The following ELF2 variants were observed in gnomAD, a reference collection of about 807,000 sequenced individuals.
The protein encoded by ELF2 is ETS-related transcription factor Elf-2.
In ELF2, 11 loss-of-function variants were observed where a neutral mutation model predicts 54.8. That is an observed-to-expected ratio of 0.20 (90% CI 0.13 to 0.33). The LOEUF is 0.33. Ranked by LOEUF, ELF2 falls within the 10% of genes least tolerant of loss-of-function variation. The probability of loss-of-function intolerance (pLI) is 1.00; values close to 1 mark genes in which losing one functional copy is unlikely to be tolerated. For synonymous variants in ELF2, 203 were observed against 245.1 expected (o/e 0.83, Z 1.61); for missense variants, 513 against 703.0 (o/e 0.73, Z 3.06).
At chr4:139,087,143 C>T (rs1732063921) in intron 4 of ELF2, among the ~76,000 whole-genome samples, 2 of 152,174 alleles carry the variant, frequency 1.3e-5, no homozygotes, top group Admixed American at 1.3e-4. Flanking sequence ...TTTAACTTAT[C>T]CCTGGGCCAG....
intron 4 of ELF2, among the ~76,000 whole-genome samples, chr4:139,111,181 G>C (rs1734911420): frequency 6.6e-6 from 1 of 152,090 alleles, no homozygotes; most frequent in Admixed American, 6.6e-5. Context: ...CTAAGGCCTA[G>C]AACACTGTCG....
chr4:139,113,136 T>C lies in ELF2; in HGVS notation c.238+12028A>G, dbSNP rs150954244. 5.0e-3 allele frequency among the ~76,000 whole-genome samples: 760 copies of C among 151,680 alleles called. 8 individuals are homozygous for C. The highest frequency in any genetic ancestry group is 0.017 in the African/African-American group (717 of 41,336). On this transcript the variant is annotated intron_variant, in intron 4 of 9. Transcript: ENST00000686138. Reference sequence around the variant, plus strand: ...ACTGTGGGAGGCCAAGGTGGGAGAATTGCTTGAGCCCAGTAGTATGAGACC... The same window carrying C: ...ACTGTGGGAGGCCAAGGTGGGAGAACTGCTTGAGCCCAGTAGTATGAGACC...
intron 1 of ELF2, among the ~76,000 whole-genome samples, chr4:139,172,142 T>C (rs1440607360): frequency 4.6e-5 from 7 of 152,098 alleles, no homozygotes; most frequent in Non-Finnish European, 5.9e-5. Flanking sequence ...CAAAACCATA[T>C]GTCCACATAA....
At chr4:139,151,023 C>CA (rs79837347) in intron 1 of ELF2, among the ~76,000 whole-genome samples, 1,601 of 48,220 alleles carry the variant, frequency 0.033, 80 homozygotes, top group East Asian at 0.14. Context: ...GGCTCCATCT[C>CA]AAAAAAAAAA....
chr4:139,070,381 C>T (rs923784045), intron 6 of ELF2, among the ~76,000 whole-genome samples: 2 of 151,698 alleles, frequency 1.3e-5, no homozygotes, highest in Non-Finnish European at 1.5e-5. Context: ...ACCTCCACCT[C>T]TCGGGTTCAA....
At chr4:139,139,369 T>C (rs1314568538) in intron 2 of ELF2, 44 bp downstream of exon 2, 4 of 1,007,330 alleles carry the variant, frequency 4.0e-6, no homozygotes, top group Middle Eastern at 3.6e-4. Flanking sequence ...TATAAGGTAC[T>C]ATTCCCAATA....
intron 1 of ELF2, among the ~76,000 whole-genome samples, chr4:139,169,303 G>A (rs373512895): frequency 1.2e-3 from 163 of 139,610 alleles, no homozygotes; most frequent in African/African-American, 3.2e-3. Context: ...AGCCGAGATC[G>A]CACCACTGCA....
intron 1 of ELF2, among the ~76,000 whole-genome samples, chr4:139,172,570 A>G (rs933848171): frequency 6.6e-6 from 1 of 152,188 alleles, no homozygotes; most frequent in African/African-American, 2.4e-5. Flanking sequence ...AGTAATGAGG[A>G]TGACAACTGG....
At chr4:139,106,872 C>T (rs1325767071) in intron 4 of ELF2, among the ~76,000 whole-genome samples, 2 of 151,008 alleles carry the variant, frequency 1.3e-5, no homozygotes, top group Admixed American at 1.3e-4. Context: ...GCCTCCCAAG[C>T]GGCTCAGATT....
intron 1 of ELF2, among the ~76,000 whole-genome samples, chr4:139,172,506 G>T (rs1250559054): frequency 6.6e-6 from 1 of 152,106 alleles, no homozygotes; most frequent in Non-Finnish European, 1.5e-5. Flanking sequence ...AGATCAACTA[G>T]TATCTTAGTG....
intron 4 of ELF2, among the ~76,000 whole-genome samples, chr4:139,075,641 C>T (rs966471886): frequency 5.3e-5 from 8 of 152,072 alleles, no homozygotes; most frequent in African/African-American, 1.9e-4. Context: ...GTTGGCCAGG[C>T]TGGTTTTGAA....
chr4:139,152,149 G>A (rs1462932517), intron 1 of ELF2, among the ~76,000 whole-genome samples: 1 of 152,118 alleles, frequency 6.6e-6, no homozygotes, highest in Non-Finnish European at 1.5e-5. Flanking sequence ...GGTGGTGACT[G>A]CAAAATAGTA....
At chr4:139,151,072 G>GAAAGAAAGAAAGAAAGAAAGAAAGA (rs1739919682) in intron 1 of ELF2, among the ~76,000 whole-genome samples, 1 of 123,582 alleles carries the variant, frequency 8.1e-6, no homozygotes, top group African/African-American at 2.7e-5. Context: ...AAGAAAGAAA[G>GAAAGAAAGAAAGAAAGAAAGAAAGA]AAAGAAAGAA....
chr4:139,164,439 C>A (rs1470173606), intron 1 of ELF2, among the ~76,000 whole-genome samples: 1 of 152,112 alleles, frequency 6.6e-6, no homozygotes, highest in Non-Finnish European at 1.5e-5. Context: ...AGTTCGAGAC[C>A]AGCCTGGACA....
chr4:139,121,302 G>A (rs1262731281), intron 4 of ELF2, among the ~76,000 whole-genome samples: 3 of 150,742 alleles, frequency 2.0e-5, no homozygotes, highest in Admixed American at 2.0e-4. Context: ...TAGAGACGGG[G>A]TTTCACCGTG....
At chr4:139,147,522 A>C (rs1292426625) in intron 1 of ELF2, among the ~76,000 whole-genome samples, 1 of 152,188 alleles carries the variant, frequency 6.6e-6, no homozygotes, top group Non-Finnish European at 1.5e-5. Flanking sequence ...CCTAGGCTGG[A>C]GAGCAGTGGC....
At chr4:139,148,059 T>C (rs1381206546) in intron 1 of ELF2, among the ~76,000 whole-genome samples, 5 of 150,230 alleles carry the variant, frequency 3.3e-5, no homozygotes, top group African/African-American at 1.2e-4. Context: ...ATGCAGGGAT[T>C]ACAGGCATGA....
At chr4:139,137,566 C>CA (rs1689939279) in intron 3 of ELF2, 64 bp downstream of exon 3, 1 of 1,504,964 alleles carries the variant, frequency 6.6e-7, no homozygotes, top group Non-Finnish European at 9.2e-7. Flanking sequence ...CTATTAATTT[C>CA]AAAATTAGTT....
At chr4:139,078,138 C>A (rs1730579287) in intron 4 of ELF2, among the ~76,000 whole-genome samples, 1 of 152,134 alleles carries the variant, frequency 6.6e-6, no homozygotes, top group Non-Finnish European at 1.5e-5. Flanking sequence ...ACAGCTGTTA[C>A]AAAATACCAA....
Sources: gnomAD v4.1 joint callset for allele counts (sites outside exome capture counted in the v4.1 genomes callset) on GRCh38, gnomAD v4.1.1 for gene constraint, MANE v1.5 for transcripts, NCBI Gene and HGNC (gene_info 2026-07-23, HGNC 2026-07-21) for gene names.